The following DEAF1 variants were observed in gnomAD, a reference collection of about 807,000 sequenced individuals.
The protein encoded by DEAF1 is DEAF1 transcription factor.
A neutral mutation model predicts 58.9 loss-of-function variants in DEAF1; 53 were observed. The observed-to-expected ratio is 0.90, with a 90% confidence interval of 0.72 to 1.13. DEAF1 has a LOEUF of 1.13. Ranked by LOEUF, DEAF1 falls within the 50% of genes most tolerant of loss-of-function variation. The pLI, the probability that DEAF1 is intolerant of heterozygous loss-of-function variation, is 0.00. For missense variants in DEAF1, 685 were observed against 791.4 expected (o/e 0.87, Z 1.61); for synonymous variants, 385 against 340.4 (o/e 1.13, Z -1.44).
At chr11:654,098 G>A (rs1432566089) in intron 10 of DEAF1, 47 bp from the exon 11 acceptor site, 2 of 1,552,490 alleles carry the variant, frequency 1.3e-6, no homozygotes, top group African/African-American at 1.4e-5. Flanking sequence ...GCCGTGGAGA[G>A]CCCCTGAGAC....
intron 11 of DEAF1, among the ~76,000 whole-genome samples, chr11:652,669 C>T (rs906824057): frequency 6.6e-6 from 1 of 151,914 alleles, no homozygotes; most frequent in East Asian, 1.9e-4. Context: ...CAGAAGGGCA[C>T]ACTTCCCAAT....
In DEAF1 at chr11:694,827, C is replaced by A. The variant is rs748707692; in HGVS notation, c.221G>T (p.Gly74Val). Reference sequence around the variant, plus strand: ...GGCCTCGGCGCCCATGTCCATGTGCCCGGGCTCCGCCGCCATCACCGCCAC... The same window carrying A: ...GGCCTCGGCGCCCATGTCCATGTGCACGGGCTCCGCCGCCATCACCGCCAC... ...TAVAVMAAEP[G>V]HMDMGAEALP... Residue 74 changes from glycine (G) to valine (V), a missense_variant, in exon 1 of 12, where the codon GGG becomes GTG. Transcript: ENST00000382409. 4 of 1,455,032 alleles carry A rather than the reference C, an allele frequency of 2.7e-6. No individual in the cohort carries two copies. Among genetic ancestry groups the A allele is most frequent in the Non-Finnish European group, 3.6e-6 (4 of 1,106,890 alleles). The allele number at this position is 1,455,032 out of a possible 1,614,324, so 90.1% of individuals were successfully genotyped here.
In DEAF1 at chr11:694,783, C is replaced by A; in HGVS notation, c.265G>T (p.Ala89Ser). ...GAEALPGPDE[A>S]AAAAAFAEVT... Reference sequence around the variant, plus strand: ...CCTGCGAAGGCTGCGGCAGCGGCGGCCTCGTCGGGGCCGGGCAGGGCCTCG... The same window carrying A: ...CCTGCGAAGGCTGCGGCAGCGGCGGACTCGTCGGGGCCGGGCAGGGCCTCG... The change falls in exon 1 of 12, where the codon GCC (alanine) becomes TCC (serine). Residue 89 changes from alanine (A) to serine (S), a missense_variant. Coordinates refer to ENST00000382409, the MANE Select transcript of DEAF1 (RefSeq NM_021008.4). The A allele has an allele frequency of 7.5e-7, 1 of 1,339,940 alleles. No individual in the cohort carries two copies. The allele number at this position is 1,339,940 out of a possible 1,614,324, so 83.0% of individuals were successfully genotyped here.
chr11:653,053 C>T (rs772985411), intron 11 of DEAF1, among the ~76,000 whole-genome samples: 1 of 140,256 alleles, frequency 7.1e-6, no homozygotes, highest in Non-Finnish European at 1.5e-5. Flanking sequence ...CACTGCACTC[C>T]AGCCTGGGTG....
At chr11:698,851 G>C (rs202209526), upstream of DEAF1, 2 of 1,614,100 alleles carry the variant, frequency 1.2e-6, no homozygotes, top group Non-Finnish European at 1.7e-6. Flanking sequence ...CCTTGCTCAC[G>C]GCCCCTTTCT....
At position 644,321 on chromosome 11, in the gene DEAF1, C is replaced by T; in HGVS notation, c.*229G>A. 1.6e-6 allele frequency: 1 copy of T among 611,130 alleles called. No individual in the cohort carries two copies. The highest frequency in any genetic ancestry group is 2.8e-5 in the East Asian group (1 of 35,840). 37.9% of individuals were successfully genotyped at this position (611,130 alleles called of 1,614,324 possible). A position where few individuals can be genotyped will look rare whatever the true frequency, so the allele number is the denominator to read the frequency against. ...GTGGGCAAGACCGGACGCTCATGAT[C>T]CCAGGGATAAAAAATCTGTCCGCGA... On this transcript the variant is annotated 3_prime_UTR_variant, in exon 12 of 12. Transcript: ENST00000382409. This position sits in a 1 kb window ranked among gnomAD's most constrained non-coding sequence, Gnocchi z 4.3.
intron 6 of DEAF1, among the ~76,000 whole-genome samples, chr11:681,333 C>T (rs1860357228): frequency 6.6e-6 from 1 of 152,066 alleles, no homozygotes; most frequent in Admixed American, 6.6e-5. Context: ...CTCCCAGGTT[C>T]AAGTGATTCT....
At chr11:683,498 T>C (rs1860459731) in intron 6 of DEAF1, among the ~76,000 whole-genome samples, 1 of 152,206 alleles carries the variant, frequency 6.6e-6, no homozygotes, top group African/African-American at 2.4e-5. Context: ...TCTTGATTAC[T>C]GTCACGAGCC....
At chr11:656,743 T>G (rs1859072685) in intron 10 of DEAF1, among the ~76,000 whole-genome samples, 1 of 152,212 alleles carries the variant, frequency 6.6e-6, no homozygotes, top group African/African-American at 2.4e-5. Flanking sequence ...CCCAGCATAG[T>G]TCCTGGAGGA....
chr11:681,231 TC>T, intron 6 of DEAF1, 142 bp from the exon 7 acceptor site: 2 of 1,181,544 alleles, frequency 1.7e-6, no homozygotes, highest in Non-Finnish European at 2.4e-6. Flanking sequence ...CCCCTAAAGA[TC>T]CCACCTCTTT....
At chr11:695,362 G>GTCCGAGTCCTCACGAGGGCT (rs1861079272), upstream of DEAF1, 3 of 423,316 alleles carry the variant, frequency 7.1e-6, no homozygotes, top group Non-Finnish European at 1.2e-5. Flanking sequence ...GTCCGAATAG[G>GTCCGAGTCCTCACGAGGGCT]TCCGAGTCCT....
chr11:691,775 G>A (rs1164479235), intron 1 of DEAF1, among the ~76,000 whole-genome samples, 177 bp from the exon 2 acceptor site: 1 of 152,150 alleles, frequency 6.6e-6, no homozygotes, highest in Non-Finnish European at 1.5e-5. Flanking sequence ...CATTGTCTAA[G>A]TCATTCGGCT....
At chr11:692,043 A>T (rs1277492257) in intron 1 of DEAF1, among the ~76,000 whole-genome samples, 1 of 151,872 alleles carries the variant, frequency 6.6e-6, no homozygotes, top group Non-Finnish European at 1.5e-5. Context: ...CCTCTCCTCC[A>T]CCGCAGGGGT....
upstream of DEAF1, chr11:699,751 CAA>C (rs891952478): frequency 2.5e-4 from 41 of 166,652 alleles, no homozygotes; most frequent in South Asian, 1.0e-3. Context: ...GACTCTATCT[CAA>C]AAAAAAAAAG....
At chr11:659,675 G>A (rs993956995) in intron 10 of DEAF1, among the ~76,000 whole-genome samples, 57 of 152,306 alleles carry the variant, frequency 3.7e-4, no homozygotes, top group African/African-American at 1.2e-3. Flanking sequence ...GTTCAGAGCC[G>A]CTGGGAGAAC....
chr11:679,225 G>A (rs928321184), intron 8 of DEAF1, among the ~76,000 whole-genome samples: 1 of 151,468 alleles, frequency 6.6e-6, no homozygotes, highest in Non-Finnish European at 1.5e-5. Context: ...TGAGGCAGGA[G>A]AACGGTGTGA....
At chr11:678,848 G>A in intron 8 of DEAF1, 26 bp from the exon 9 acceptor site, 1 of 1,612,708 alleles carries the variant, frequency 6.2e-7, no homozygotes, top group South Asian at 1.1e-5. Context: ...AGGACAGGGA[G>A]GCTCGGGATG....
intron 9 of DEAF1, among the ~76,000 whole-genome samples, chr11:675,254 C>T (rs554779738): frequency 6.6e-6 from 1 of 152,302 alleles, no homozygotes; most frequent in East Asian, 1.9e-4. Flanking sequence ...TGCAGTGGCT[C>T]ATGCCTGTAA....
chr11:656,946 G>A (rs1859088572), intron 10 of DEAF1, among the ~76,000 whole-genome samples: 1 of 152,088 alleles, frequency 6.6e-6, no homozygotes, highest in South Asian at 2.1e-4. Flanking sequence ...GTCAGAGGCA[G>A]TAGCATGAAC....
Sources: allele counts gnomAD v4.1 joint callset (sites outside exome capture counted in the v4.1 genomes callset), GRCh38; gene constraint gnomAD v4.1.1; non-coding constraint Gnocchi (gnomAD v3.1); transcripts MANE v1.5; gene names NCBI Gene and HGNC (gene_info 2026-07-23, HGNC 2026-07-21).